The following IL1RAPL1 variants were observed in gnomAD, a reference collection of about 807,000 sequenced individuals.
IL1RAPL1 encodes interleukin 1 receptor accessory protein like 1, also known as interleukin-1 receptor accessory protein-like 1.
In IL1RAPL1, 3 loss-of-function variants were observed where a neutral mutation model predicts 48.4. The ratio of observed to expected loss-of-function variants is 0.06; its 90% CI spans 0.03 to 0.16. IL1RAPL1 has a LOEUF of 0.16. Among genes scored for constraint, IL1RAPL1 ranks in the 10% least tolerant of loss-of-function variants. IL1RAPL1 has a pLI of 1.00. For synonymous variants in IL1RAPL1, 185 were observed against 187.7 expected (o/e 0.99, Z 0.12); for missense variants, 349 against 530.6 (o/e 0.66, Z 3.36).
At chrX:28,644,341 T>C (rs1934583031) in intron 1 of IL1RAPL1, among the ~76,000 whole-genome samples, 1 of 111,955 alleles carries the variant, frequency 8.9e-6, no homozygotes, top group African/African-American at 3.2e-5. Context: ...ACTGAGCTCT[T>C]AACCAGCTAG....
chrX:29,772,810 A>G (rs1929100279), intron 6 of IL1RAPL1, among the ~76,000 whole-genome samples: 1 of 111,568 alleles, frequency 9.0e-6, no homozygotes, highest in Non-Finnish European at 1.9e-5. Flanking sequence ...AGCGTTTACC[A>G]TAGAAATAAT....
chrX:29,205,954 T>C (rs1351733335), intron 2 of IL1RAPL1, among the ~76,000 whole-genome samples: 1 of 109,329 alleles, frequency 9.1e-6, no homozygotes, highest in East Asian at 2.9e-4. Flanking sequence ...TTGGCCAGGC[T>C]GGTCTTGAAT....
At chrX:29,513,290 A>G (rs1338462518) in intron 5 of IL1RAPL1, among the ~76,000 whole-genome samples, 12 of 111,476 alleles carry the variant, frequency 1.1e-4, no homozygotes, top group African/African-American at 3.3e-4. Flanking sequence ...TTTTTGCAAA[A>G]TTTTGATTAT....
chrX:28,703,387 G>A (rs1311862604), intron 1 of IL1RAPL1, among the ~76,000 whole-genome samples: 1 of 111,424 alleles, frequency 9.0e-6, no homozygotes, highest in African/African-American at 3.3e-5. Flanking sequence ...GATGATGATG[G>A]CAGTGAAGAT....
intron 2 of IL1RAPL1, among the ~76,000 whole-genome samples, chrX:28,894,983 C>A (rs1041573957): frequency 3.6e-5 from 4 of 110,766 alleles, no homozygotes; most frequent in African/African-American, 1.3e-4. Context: ...GTCTGTGAAG[C>A]TTTGCGGCAG....
chrX:29,248,693 G>A (rs776828604), intron 2 of IL1RAPL1, among the ~76,000 whole-genome samples: 3 of 112,288 alleles, frequency 2.7e-5, no homozygotes, highest in African/African-American at 6.5e-5. Context: ...TTAGGTGTTC[G>A]TACACTGCTG....
chrX:28,602,119 AAAAG>A (rs1470470612), intron 1 of IL1RAPL1, among the ~76,000 whole-genome samples: 8 of 109,897 alleles, frequency 7.3e-5, no homozygotes, highest in Non-Finnish European at 1.1e-4. Context: ...AAAAAAAAAA[AAAAG>A]AAAGGTTCAT....
chrX:29,182,389 G>A (rs1463058162), intron 2 of IL1RAPL1, among the ~76,000 whole-genome samples: 2 of 111,987 alleles, frequency 1.8e-5, no homozygotes, highest in East Asian at 5.6e-4. Context: ...AGAAGTGGCA[G>A]AGCTAAGGTG....
At chrX:29,769,657 T>A (rs1161353723) in intron 6 of IL1RAPL1, among the ~76,000 whole-genome samples, 1 of 86,427 alleles carries the variant, frequency 1.2e-5, no homozygotes, top group Admixed American at 1.4e-4. Context: ...TGCTCTGTCA[T>A]CCAGGCTGGA....
chrX:29,325,294 A>G (rs1374806428), intron 3 of IL1RAPL1, among the ~76,000 whole-genome samples: 1 of 112,354 alleles, frequency 8.9e-6, no homozygotes, highest in Middle Eastern at 4.6e-3. Context: ...TTTTAAATTA[A>G]TGAAGCTATC....
intron 6 of IL1RAPL1, among the ~76,000 whole-genome samples, chrX:29,843,319 A>T (rs2147194645): frequency 8.9e-6 from 1 of 112,323 alleles, no homozygotes; most frequent in South Asian, 3.7e-4. Flanking sequence ...GATATGAAAT[A>T]TTGTACAAAT....
chrX:28,607,113 G>T lies in IL1RAPL1; in HGVS notation c.-25+19066G>T, dbSNP rs956019098. On this transcript the variant is annotated intron_variant, in intron 1 of 10. Transcript: ENST00000378993. ...ATCTTGTCTATTGCCTGATCATCTA[G>T]TTGCTTAGTCTAATCAAATACATTT... 3.7e-5 allele frequency among the ~76,000 whole-genome samples: 4 copies of T among 108,699 alleles called. No individual in the cohort carries two copies. The Admixed American group carries it at 4.1e-4, about 11-fold the overall frequency. The allele number at this position is 108,699 out of a possible 115,157, so 94.4% of individuals were successfully genotyped here.
At chrX:29,088,988 C>G (rs181378739) in intron 2 of IL1RAPL1, among the ~76,000 whole-genome samples, 54 of 111,299 alleles carry the variant, frequency 4.9e-4, no homozygotes, top group African/African-American at 1.7e-3. Flanking sequence ...AAAATGTTTC[C>G]TGGAGAAAAT....
intron 3 of IL1RAPL1, among the ~76,000 whole-genome samples, chrX:29,381,827 AAAAAAAATATATATAT>A (rs1329312180): frequency 1.9e-4 from 7 of 36,149 alleles, no homozygotes; most frequent in African/African-American, 4.6e-4. Context: ...AAAAAAAAAA[AAAAAAAATATATATAT>A]ATATATATAT....
chrX:29,607,581 C>A (rs1261069068), intron 5 of IL1RAPL1, among the ~76,000 whole-genome samples: 2 of 111,963 alleles, frequency 1.8e-5, no homozygotes, highest in Non-Finnish European at 3.8e-5. Context: ...TGAGCTGTAT[C>A]CTGTCAACTT....
chrX:29,610,296 G>A (rs1029615126), intron 5 of IL1RAPL1, among the ~76,000 whole-genome samples: 1 of 111,703 alleles, frequency 9.0e-6, no homozygotes. Flanking sequence ...TGTTGAGATG[G>A]TAGGAAGTGG....
chrX:28,831,850 A>AT (rs1330700924), intron 2 of IL1RAPL1, among the ~76,000 whole-genome samples: 1 of 111,272 alleles, frequency 9.0e-6, no homozygotes, highest in African/African-American at 3.3e-5. Context: ...ATGATATAAT[A>AT]TTTTGACAAT....
chrX:29,366,105 C>T (rs1353430731), intron 3 of IL1RAPL1, among the ~76,000 whole-genome samples: 4 of 109,364 alleles, frequency 3.7e-5, no homozygotes, highest in Non-Finnish European at 1.9e-5. Flanking sequence ...AGGATTGTGT[C>T]GTAGTTAGAA....
At chrX:28,642,894 A>AT (rs1171717621) in intron 1 of IL1RAPL1, among the ~76,000 whole-genome samples, 63 of 104,259 alleles carry the variant, frequency 6.0e-4, no homozygotes, top group African/African-American at 1.6e-3. Context: ...TTTTGAAAAG[A>AT]TTTTTTTTTT....
Sources: allele counts gnomAD v4.1 joint callset (sites outside exome capture counted in the v4.1 genomes callset), GRCh38; gene constraint gnomAD v4.1.1; transcripts MANE v1.5; gene names NCBI Gene and HGNC (gene_info 2026-07-23, HGNC 2026-07-21).